Variants in ROCK1 observed in about 807,000 individuals in gnomAD.
ROCK1 encodes the protein rho-associated protein kinase 1.
ROCK1 carries 36 observed loss-of-function variants against 196.8 expected under a neutral mutation model. The observed-to-expected ratio is 0.18, with a 90% CI of 0.14 to 0.24. The LOEUF is 0.24. ROCK1 is among the 10% of genes least tolerant of loss of function. The pLI is 1.00. For synonymous variants in ROCK1, 443 were observed against 515.9 expected (o/e 0.86, Z 1.91); for missense variants, 920 against 1,562.0 (o/e 0.59, Z 6.93).
chr18:21,042,800 C>A, intron 6 of ROCK1, 91 bp from the exon 7 acceptor site: 3 of 1,239,424 alleles, frequency 2.4e-6, no homozygotes, highest in South Asian at 3.1e-5. Context: ...TATGGGACTC[C>A]AAATCTTTGA....
chr18:21,021,261 G>A (rs1275658456), intron 11 of ROCK1, among the ~76,000 whole-genome samples: 2 of 152,162 alleles, frequency 1.3e-5, no homozygotes, highest in Non-Finnish European at 1.5e-5. Flanking sequence ...TGCCTGAGAA[G>A]TATACAGAAG....
At chr18:20,982,708 T>G in intron 21 of ROCK1, 55 bp downstream of exon 21, 1 of 801,856 alleles carries the variant, frequency 1.2e-6, no homozygotes. Context: ...TCTAAATACC[T>G]TGTTTTAAGT....
chr18:21,079,537 C>G lies in ROCK1; in HGVS notation c.94-8924G>C, dbSNP rs1215202919. Among the ~76,000 whole-genome samples the G allele has an allele frequency of 4.6e-5, 7 of 152,306 alleles. No individual in the cohort carries two copies. The East Asian group carries it at 1.3e-3, about 29-fold the overall frequency. ...TGAACCCTTATGGCACCATTCCCAT[C>G]AGGCATTTCCTGGAGGGGTAAGAGT... On this transcript the variant is annotated intron_variant, in intron 1 of 32. Coordinates refer to ENST00000399799, the MANE Select transcript of ROCK1 (RefSeq NM_005406.3).
At chr18:20,992,797 T>C (rs1276740353) in intron 17 of ROCK1, 34 bp downstream of exon 17, 2 of 1,227,840 alleles carry the variant, frequency 1.6e-6, no homozygotes, top group Admixed American at 1.8e-5. Flanking sequence ...GTAATTACTA[T>C]TTTATAATAA....
At position 20,972,611 on chromosome 18, in the gene ROCK1, T is replaced by C. The variant is rs148691407; in HGVS notation, c.2655-2098A>G. 3.9e-5 allele frequency among the ~76,000 whole-genome samples: 6 copies of C among 152,276 alleles called. No homozygotes were observed. In the Middle Eastern group the frequency reaches 0.01, roughly 259 times the overall value. On this transcript the variant is annotated intron_variant, in intron 22 of 32. Coordinates refer to ENST00000399799, the MANE Select transcript of ROCK1 (RefSeq NM_005406.3). ...AGTTCAATAAGGAAAATACAGCATG[T>C]GGTGTCACAGAAGCCAAATGAAGAC...
At chr18:21,029,257 G>T (rs988638278) in intron 9 of ROCK1, among the ~76,000 whole-genome samples, 2 of 152,134 alleles carry the variant, frequency 1.3e-5, no homozygotes, top group Admixed American at 1.3e-4. Flanking sequence ...AAAAGCATTC[G>T]GGACTACAGA....
chr18:20,956,694 T>C (rs867057915), intron 29 of ROCK1, among the ~76,000 whole-genome samples: 6 of 152,088 alleles, frequency 3.9e-5, no homozygotes, highest in Non-Finnish European at 5.9e-5. Flanking sequence ...ATTTTAAAAA[T>C]TGGTACACTG....
intron 1 of ROCK1, among the ~76,000 whole-genome samples, chr18:21,094,617 C>T (rs2036597375): frequency 6.7e-6 from 1 of 150,322 alleles, no homozygotes; most frequent in Non-Finnish European, 1.5e-5. Context: ...GGCATGGTGG[C>T]ACGCACCTGT....
intron 16 of ROCK1, among the ~76,000 whole-genome samples, chr18:20,995,971 C>T (rs1050207208): frequency 6.6e-6 from 1 of 152,104 alleles, no homozygotes; most frequent in Non-Finnish European, 1.5e-5. Context: ...ACTGCAATGA[C>T]TACAATAAAT....
At chr18:21,050,032 G>A in intron 2 of ROCK1, 152 bp from the exon 3 acceptor site, 1 of 479,708 alleles carries the variant, frequency 2.1e-6, no homozygotes, top group East Asian at 3.6e-5. Flanking sequence ...AAGCTATAAA[G>A]TAGCTAAATG....
chr18:21,070,821 G>A (rs1001968441), intron 1 of ROCK1, among the ~76,000 whole-genome samples: 2 of 152,098 alleles, frequency 1.3e-5, no homozygotes, highest in Admixed American at 1.3e-4. Context: ...AGTCTGCCAG[G>A]CCCAGGGGCA....
chr18:21,110,894 C>T lies in ROCK1; in HGVS notation c.17G>A (p.Ser6Asn). The stretch of plus-strand genomic sequence containing the variant: ...CATTTTTTCAAATCGAGTCTCAAAA[C>T]TGTCCCCAGTCGACATGTTGCTGCT... MSTGD[S>N]FETRFEKMDN... The change falls in exon 1 of 33, where the codon AGT (serine) becomes AAT (asparagine). Residue 6 changes from serine to asparagine, a missense_variant. By Grantham distance (46) the Ser-to-Asn change is conservative (BLOSUM62 1). Coordinates refer to ENST00000399799, the MANE Select transcript of ROCK1 (RefSeq NM_005406.3). The T allele has an allele frequency of 6.2e-7, 1 of 1,614,114 alleles. No individual in the cohort carries two copies. The highest frequency in any genetic ancestry group is 8.5e-7 in the Non-Finnish European group (1 of 1,179,946).
rs1568367253 is a variant in ROCK1 at position 20,959,041 on chromosome 18, ATATAT to A, written c.3512+794_3512+798del. On this transcript the variant is annotated intron_variant, in intron 29 of 32. Transcript: ENST00000399799. The stretch of plus-strand genomic sequence containing the variant: ...ATATATAATATATATATTTTATATA[ATATAT>A]AATATATATATTATATTTTATATTA... Among the ~76,000 whole-genome samples the A allele has an allele frequency of 1.2e-3, 56 of 47,726 alleles. 5 individuals carry two copies. The highest frequency in any genetic ancestry group is 1.0e-2 in the African/African-American group (49 of 4,902). The allele number at this position is 47,726 out of a possible 152,430, so 31.3% of individuals were successfully genotyped here. A position where few individuals can be genotyped will look rare whatever the true frequency, so the allele number is the denominator to read the frequency against.
At chr18:21,052,848 C>A (rs2036215099) in intron 2 of ROCK1, among the ~76,000 whole-genome samples, 1 of 152,120 alleles carries the variant, frequency 6.6e-6, no homozygotes, top group African/African-American at 2.4e-5. Context: ...AAACTGGTCC[C>A]TGGTGCCAAA....
chr18:20,959,091 A>T (rs1478985559), intron 29 of ROCK1, among the ~76,000 whole-genome samples: 1 of 32,168 alleles, frequency 3.1e-5, no homozygotes, highest in Non-Finnish European at 4.6e-5. Flanking sequence ...TATATTTTAT[A>T]TAATATATAT....
chr18:21,039,387 C>T (rs1450806648), intron 9 of ROCK1, 85 bp downstream of exon 9: 1 of 908,768 alleles, frequency 1.1e-6, no homozygotes, highest in Non-Finnish European at 1.7e-6. Flanking sequence ...CAGATACACA[C>T]AAATATTTAG....
rs572446002 is a variant in ROCK1 at position 21,006,243 on chromosome 18, C to T, written c.1885+108G>A. The T allele has an allele frequency of 1.7e-4, 136 of 821,706 alleles. 1 individual carries two copies. The East Asian group carries it at 3.5e-3, about 21-fold the overall frequency. 50.9% of individuals were successfully genotyped at this position (821,706 alleles called of 1,614,324 possible). ...CCACTTATATGATGATGGTTGCATA[C>T]ATTGTGAACTGCATTTAATCCCACT... On this transcript the variant is annotated intron_variant, in intron 16 of 32. Coordinates refer to ENST00000399799, the MANE Select transcript of ROCK1 (RefSeq NM_005406.3).
rs747196238 is a variant in ROCK1, at chr18:21,042,079, A to T, written c.959+18T>A. The T allele has an allele frequency of 6.9e-6, 11 of 1,594,774 alleles. No individual in the cohort carries two copies. The African/African-American group carries it at 1.2e-4, about 18-fold the overall frequency. ...AAGTCCTCAGAATTAATACAGGCTC[A>T]GTTTTAAAATTATTTACCTGTCAGT... On this transcript the variant is annotated intron_variant, in intron 8 of 32. Coordinates refer to ENST00000399799, the MANE Select transcript of ROCK1 (RefSeq NM_005406.3).
Position 20,996,806 on chromosome 18 carries a change from T to TAA in ROCK1, c.1886-3870_1886-3869insTT, listed in dbSNP as rs556541996. ...AGATGCAGGGGACTAAGTTAAAGTG[T>TAA]AGAGTTTGTATTAGTTTTCTCTTTG... is the stretch of plus-strand genomic sequence containing the variant. On this transcript the variant is annotated intron_variant, in intron 16 of 32. Coordinates refer to ENST00000399799, the MANE Select transcript of ROCK1 (RefSeq NM_005406.3). 9.2e-5 allele frequency among the ~76,000 whole-genome samples: 14 copies of TAA among 152,304 alleles called. No individual in the cohort carries two copies. The South Asian group carries it at 2.9e-3, about 32-fold the overall frequency.
Sources: allele counts gnomAD v4.1 joint callset (sites outside exome capture counted in the v4.1 genomes callset), GRCh38; gene constraint gnomAD v4.1.1; transcripts MANE v1.5; gene names NCBI Gene and HGNC (gene_info 2026-07-23, HGNC 2026-07-21).